The following NYAP2 variants were observed in gnomAD, a reference collection of about 807,000 sequenced individuals.
NYAP2 encodes the protein neuronal tyrosine-phosphorylated phosphoinositide-3-kinase adapter 2.
Under a neutral mutation model 50.4 loss-of-function variants are expected in NYAP2, and 23 were observed. That is an observed-to-expected ratio of 0.46 (90% CI 0.33 to 0.65). The LOEUF is 0.65. Among genes scored for constraint, NYAP2 ranks in the 30% least tolerant of loss-of-function variants. The pLI, the probability that NYAP2 is intolerant of heterozygous loss-of-function variation, is 0.02. For synonymous variants in NYAP2, 394 were observed against 365.2 expected (o/e 1.08, Z -0.90); for missense variants, 885 against 861.0 (o/e 1.03, Z -0.35).
chr2:225,584,182 T>C (rs1342075872), intron 5 of NYAP2, among the ~76,000 whole-genome samples: 1 of 152,258 alleles, frequency 6.6e-6, no homozygotes, highest in Non-Finnish European at 1.5e-5. Context: ...TTCATGTTCT[T>C]GTATTTTTAC....
chr2:225,573,313 G>T (rs756196225), intron 4 of NYAP2, among the ~76,000 whole-genome samples: 2 of 147,266 alleles, frequency 1.4e-5, no homozygotes, highest in African/African-American at 5.0e-5. Context: ...GTGCAATGCC[G>T]TGATCTAGGC....
At chr2:225,686,830 G>A in the NYAP2 span, among the ~76,000 whole-genome samples, 1 of 152,086 alleles carries the variant, frequency 6.6e-6, no homozygotes, top group Non-Finnish European at 1.5e-5. Context: ...TAATAATGAA[G>A]ACGAAGACAA....
At chr2:225,408,875 C>G in exon 3 of NYAP2, 1 of 1,594,468 alleles carries the variant, frequency 6.3e-7, no homozygotes, top group Non-Finnish European at 8.6e-7. Flanking sequence ...CAGTGTTCCT[C>G]TTTACATGAT....
chr2:225,568,511 C>G (rs571615365), intron 4 of NYAP2, among the ~76,000 whole-genome samples: 1 of 152,208 alleles, frequency 6.6e-6, no homozygotes, highest in South Asian at 2.1e-4. Flanking sequence ...TTACAAAATA[C>G]CCCAAATTCT....
chr2:225,699,897 T>C, the NYAP2 span: 4 of 152,028 alleles, frequency 2.6e-5, no homozygotes, highest in African/African-American at 9.6e-5. Context: ...AAAGAAACTA[T>C]CGCATATATT....
At chr2:225,459,140 A>AAT (rs1240040488) in intron 3 of NYAP2, among the ~76,000 whole-genome samples, 1 of 152,236 alleles carries the variant, frequency 6.6e-6, no homozygotes, top group Non-Finnish European at 1.5e-5. Flanking sequence ...AAATCTATGT[A>AAT]ATATAGCTAA....
At chr2:225,430,430 A>T (rs1442395483) in intron 3 of NYAP2, among the ~76,000 whole-genome samples, 2 of 152,158 alleles carry the variant, frequency 1.3e-5, no homozygotes, top group East Asian at 3.8e-4. Flanking sequence ...AATAGCATCA[A>T]AGTTATTTAT....
the NYAP2 span, among the ~76,000 whole-genome samples, chr2:225,696,059 G>A: frequency 6.6e-6 from 1 of 151,792 alleles, no homozygotes; most frequent in Non-Finnish European, 1.5e-5. Flanking sequence ...TTGTATTTTT[G>A]AGTAGCATCT....
chr2:225,673,337 G>C, the NYAP2 span, among the ~76,000 whole-genome samples: 1 of 152,126 alleles, frequency 6.6e-6, no homozygotes, highest in Middle Eastern at 3.4e-3. Context: ...TAATACTGAA[G>C]AAGTTTGAAA....
intron 4 of NYAP2, among the ~76,000 whole-genome samples, chr2:225,534,708 A>G (rs1691316911): frequency 1.3e-5 from 2 of 152,224 alleles, no homozygotes; most frequent in Admixed American, 6.5e-5. Context: ...TAGTAATTGG[A>G]ACAGGAAAAG....
intron 3 of NYAP2, among the ~76,000 whole-genome samples, chr2:225,420,686 C>T (rs1224205743): frequency 1.3e-5 from 2 of 151,544 alleles, no homozygotes; most frequent in African/African-American, 4.9e-5. Flanking sequence ...TCTCATCTCA[C>T]TGCAACCTCT....
intron 3 of NYAP2, among the ~76,000 whole-genome samples, chr2:225,483,179 G>T (rs1690234925): frequency 6.6e-6 from 1 of 152,026 alleles, no homozygotes; most frequent in Non-Finnish European, 1.5e-5. Context: ...TTTTAAGAAG[G>T]TAGATCTTGA....
intron 3 of NYAP2, among the ~76,000 whole-genome samples, chr2:225,422,811 A>T (rs1695236353): frequency 6.6e-6 from 1 of 152,172 alleles, no homozygotes; most frequent in South Asian, 2.1e-4. Flanking sequence ...CGCTTCCATG[A>T]ATATTTTAAT....
intron 4 of NYAP2, among the ~76,000 whole-genome samples, chr2:225,536,300 A>C (rs1691349188): frequency 6.6e-6 from 1 of 152,140 alleles, no homozygotes. Context: ...AGCCTATGCC[A>C]TTCCCTCTTG....
chr2:225,475,658 C>A (rs534913326), intron 3 of NYAP2, among the ~76,000 whole-genome samples: 1 of 152,234 alleles, frequency 6.6e-6, no homozygotes, highest in South Asian at 2.1e-4. Flanking sequence ...GAAAATAAAT[C>A]TTTTCAGAAA....
the NYAP2 span, chr2:225,699,032 T>C: frequency 6.6e-6 from 1 of 151,898 alleles, no homozygotes; most frequent in African/African-American, 2.4e-5. Flanking sequence ...GCTAGTAACG[T>C]AGAAGTTGAA....
At chr2:225,444,727 G>A (rs943833005) in intron 3 of NYAP2, among the ~76,000 whole-genome samples, 1 of 152,174 alleles carries the variant, frequency 6.6e-6, no homozygotes, top group East Asian at 1.9e-4. Flanking sequence ...AACTTGAAAA[G>A]CATTACTTTC....
chr2:225,608,358 A>G (rs1029709138), intron 5 of NYAP2, among the ~76,000 whole-genome samples: 6 of 152,220 alleles, frequency 3.9e-5, no homozygotes, highest in African/African-American at 1.2e-4. Context: ...TGAGCCTGTG[A>G]CCTGGGATAA....
chr2:225,518,510 G>T (rs1690975595), intron 4 of NYAP2, among the ~76,000 whole-genome samples: 1 of 83,498 alleles, frequency 1.2e-5, no homozygotes, highest in Non-Finnish European at 2.3e-5. Context: ...AAAAAAAACA[G>T]TATGTGAGCT....
Sources: allele counts gnomAD v4.1 joint callset (sites outside exome capture counted in the v4.1 genomes callset), GRCh38; gene constraint gnomAD v4.1.1; transcripts MANE v1.5; gene names NCBI Gene and HGNC (gene_info 2026-07-23, HGNC 2026-07-21).